Variants in CRB1 observed in about 807,000 individuals in gnomAD.
CRB1 encodes crumbs cell polarity complex component 1, also known as protein crumbs homolog 1.
In CRB1, 83 loss-of-function variants were observed where a neutral mutation model predicts 120.0. The ratio of observed to expected loss-of-function variants is 0.69; its 90% CI spans 0.58 to 0.83. The LOEUF (loss-of-function observed/expected upper bound fraction) is 0.83, where lower values mean the gene tolerates loss of function less well. Among genes scored for constraint, CRB1 ranks in the 40% least tolerant of loss-of-function variants. CRB1 has a pLI of 0.00. For missense variants in CRB1, 1,699 were observed against 1,687.6 expected (o/e 1.01, Z -0.12); for synonymous variants, 625 against 612.5 (o/e 1.02, Z -0.30).
In CRB1 at chr1:197,287,489, TAG is replaced by T. The variant is rs138747359; in HGVS notation, c.70+19012_70+19013del. ...AAAAAGATCTAAAATAGGTCAACGG[TAG>T]AGAGTTTGTGGGGGATTGTAAGCAT... On this transcript the variant is annotated intron_variant, in intron 1 of 11. Coordinates refer to ENST00000367400, the MANE Select transcript of CRB1 (RefSeq NM_201253.3). Among the ~76,000 whole-genome samples, 890 of 151,888 alleles carry T rather than the reference TAG, an allele frequency of 5.9e-3. 8 individuals are homozygous for T. The highest frequency in any genetic ancestry group is 0.019 in the African/African-American group (806 of 41,496).
At chr1:197,406,891 T>C (rs2494268) in intron 5 of CRB1, among the ~76,000 whole-genome samples, 58,847 of 152,054 alleles carry the variant, frequency 0.39, 13,069 homozygotes, top group African/African-American at 0.62. Flanking sequence ...TAAAGGTAGG[T>C]GGTGCAAAGG....
chr1:197,303,195 A>G (rs1198867052), intron 1 of CRB1, among the ~76,000 whole-genome samples: 1 of 151,106 alleles, frequency 6.6e-6, no homozygotes, highest in Non-Finnish European at 1.5e-5. Context: ...GGTTAGTTAC[A>G]TATGTATACA....
chr1:197,393,870 GA>G (rs1420874516), intron 5 of CRB1, among the ~76,000 whole-genome samples: 1 of 152,034 alleles, frequency 6.6e-6, no homozygotes, highest in Non-Finnish European at 1.5e-5. Flanking sequence ...AAAGTTAAGT[GA>G]ATGTATAGGA....
At chr1:197,252,157 A>G in the CRB1 span, among the ~76,000 whole-genome samples, 11 of 151,922 alleles carry the variant, frequency 7.2e-5, no homozygotes, top group Non-Finnish European at 1.6e-4. Context: ...TGTAGTATGA[A>G]TGCAATCATA....
Position 197,442,007 on chromosome 1 carries a change from A to G in CRB1, c.3879-159A>G, listed in dbSNP as rs973927912. On this transcript the variant is annotated intron_variant, in intron 10 of 11. Coordinates refer to ENST00000367400, the MANE Select transcript of CRB1 (RefSeq NM_201253.3). ...ACCCCAAATGTGTTAAAGAAATTTTAAGAAACATCTCCGACATTATCAAGT... is the reference window on the plus strand; with the variant it reads ...ACCCCAAATGTGTTAAAGAAATTTTGAGAAACATCTCCGACATTATCAAGT... 3 of 838,230 alleles carry G rather than the reference A, an allele frequency of 3.6e-6. No individual in the cohort carries two copies. The Admixed American group carries it at 6.0e-5, about 17-fold the overall frequency. The allele number at this position is 838,230 out of a possible 1,614,324, so 51.9% of individuals were successfully genotyped here.
intron 1 of CRB1, among the ~76,000 whole-genome samples, chr1:197,269,241 T>C (rs979738548): frequency 2.8e-4 from 43 of 152,136 alleles, no homozygotes; most frequent in African/African-American, 1.0e-3. Flanking sequence ...TTTGTGTCTG[T>C]TGAATCTGAA....
chr1:197,438,988 T>C (rs1048476289), intron 10 of CRB1: 1 of 310,372 alleles, frequency 3.2e-6, no homozygotes, highest in African/African-American at 2.2e-5. Flanking sequence ...TAATACATGA[T>C]GCAAATATGG....
chr1:197,373,328 C>T (rs1267792313), intron 5 of CRB1, among the ~76,000 whole-genome samples: 1 of 151,954 alleles, frequency 6.6e-6, no homozygotes, highest in Non-Finnish European at 1.5e-5. Flanking sequence ...GATCTAAGAC[C>T]ATGTTAATTC....
At chr1:197,248,480 A>G in the CRB1 span, among the ~76,000 whole-genome samples, 1 of 152,042 alleles carries the variant, frequency 6.6e-6, no homozygotes, top group African/African-American at 2.4e-5. Flanking sequence ...CAAACTCCAA[A>G]TTGTGTAATA....
chr1:197,395,258 GTGAGAGT>G (rs1482996950), intron 5 of CRB1, among the ~76,000 whole-genome samples: 2 of 152,136 alleles, frequency 1.3e-5, no homozygotes, highest in African/African-American at 4.8e-5. Context: ...ATTATTGAGA[GTGAGAGT>G]TGAATGAAAT....
intron 5 of CRB1, among the ~76,000 whole-genome samples, chr1:197,397,421 A>C (rs1270508318): frequency 6.6e-6 from 1 of 152,162 alleles, no homozygotes; most frequent in Non-Finnish European, 1.5e-5. Context: ...CTAAAAATAC[A>C]CTTACTGTAA....
chr1:197,477,612 T>C (rs1667251621), intron 11 of CRB1, 52 bp from the exon 12 acceptor site: 3 of 1,551,350 alleles, frequency 1.9e-6, no homozygotes, highest in South Asian at 2.2e-5. Context: ...GTCCTGAATA[T>C]TTATTTGCCT....
At chr1:197,286,968 A>T (rs1170909225) in intron 1 of CRB1, among the ~76,000 whole-genome samples, 1 of 151,938 alleles carries the variant, frequency 6.6e-6, no homozygotes, top group African/African-American at 2.4e-5. Context: ...TTAGACATTT[A>T]TGAAAAAAGT....
intron 5 of CRB1, among the ~76,000 whole-genome samples, chr1:197,395,046 C>A (rs1662704181): frequency 6.6e-6 from 1 of 152,068 alleles, no homozygotes; most frequent in African/African-American, 2.4e-5. Context: ...TTACTGCTAC[C>A]ACCTTCTAGA....
At chr1:197,283,291 A>G (rs567155524) in intron 1 of CRB1, among the ~76,000 whole-genome samples, 1 of 151,670 alleles carries the variant, frequency 6.6e-6, no homozygotes, top group South Asian at 2.1e-4. Context: ...GTATTTGGTT[A>G]CATGAGTAAG....
chr1:197,351,971 TTCA>T (rs1322901277), intron 4 of CRB1, among the ~76,000 whole-genome samples: 8 of 152,330 alleles, frequency 5.3e-5, no homozygotes, highest in African/African-American at 1.9e-4. Flanking sequence ...AGCTCATGAC[TTCA>T]CTGCCACAGA....
intron 11 of CRB1, among the ~76,000 whole-genome samples, chr1:197,467,090 A>G (rs971205327): frequency 6.6e-6 from 1 of 152,224 alleles, no homozygotes; most frequent in East Asian, 1.9e-4. Flanking sequence ...GGCCTGGTAT[A>G]GCCAAGGAAG....
At chr1:197,428,143 G>A in intron 7 of CRB1, 142 bp downstream of exon 7, 1 of 768,840 alleles carries the variant, frequency 1.3e-6, no homozygotes, top group Non-Finnish European at 2.1e-6. Context: ...CATCTATATT[G>A]TTCCAACAAG....
intron 5 of CRB1, among the ~76,000 whole-genome samples, chr1:197,376,240 TACA>T (rs1019885181): frequency 2.6e-5 from 4 of 152,172 alleles, no homozygotes; most frequent in African/African-American, 9.6e-5. Context: ...GATAGATGTT[TACA>T]ACATCTAAAT....
Sources: gnomAD v4.1 joint callset for allele counts (sites outside exome capture counted in the v4.1 genomes callset) on GRCh38, gnomAD v4.1.1 for gene constraint, MANE v1.5 for transcripts, NCBI Gene and HGNC (gene_info 2026-07-23, HGNC 2026-07-21) for gene names.